The following DAB1 variants were observed in gnomAD, a reference collection of about 807,000 sequenced individuals.
DAB1 encodes the protein disabled homolog 1.
Under a neutral mutation model 64.6 loss-of-function variants are expected in DAB1, and 15 were observed. That is an observed-to-expected ratio of 0.23 (90% CI 0.16 to 0.36). The LOEUF is 0.36. DAB1 is among the 10% of genes least tolerant of loss of function. DAB1 has a pLI of 1.00. For missense variants in DAB1, 596 were observed against 706.7 expected (o/e 0.84, Z 1.78); for synonymous variants, 235 against 251.9 (o/e 0.93, Z 0.64).
chr1:57,679,471 C>G (rs1287643297), intron 6 of DAB1, among the ~76,000 whole-genome samples: 2 of 152,200 alleles, frequency 1.3e-5, no homozygotes, highest in East Asian at 3.9e-4. Flanking sequence ...TTTAGCCACT[C>G]TGAGAGCATC....
intron 4 of DAB1, among the ~76,000 whole-genome samples, chr1:57,077,377 A>G (rs1397724543): frequency 6.6e-6 from 1 of 152,164 alleles, no homozygotes; most frequent in Non-Finnish European, 1.5e-5. Context: ...GTTACATAAT[A>G]TTTCAGGAAG....
intron 9 of DAB1, among the ~76,000 whole-genome samples, chr1:57,050,474 C>T (rs1483364147): frequency 6.6e-6 from 1 of 152,210 alleles, no homozygotes; most frequent in Non-Finnish European, 1.5e-5. Context: ...GGTCCTGCCA[C>T]CTCAGACTTA....
intron 1 of DAB1, among the ~76,000 whole-genome samples, chr1:57,314,697 C>T (rs1028286057): frequency 2.0e-5 from 3 of 151,622 alleles, no homozygotes; most frequent in African/African-American, 4.8e-5. Flanking sequence ...GCAGAAGGAT[C>T]GCTTGAGCTC....
Position 57,695,360 on chromosome 1 carries a change from A to AG in DAB1, n.552-45696dup, listed in dbSNP as rs1557427744. 2.2e-3 allele frequency among the ~76,000 whole-genome samples: 56 copies of AG among 25,158 alleles called. 2 individuals are homozygous for AG. Among genetic ancestry groups the AG allele is most frequent in the African/African-American group, 5.7e-3 (49 of 8,654 alleles). 16.5% of individuals were successfully genotyped at this position (25,158 alleles called of 152,430 possible). ...AGAAAGAAAGAAAGAAAGAAAAGAA[A>AG]GAAGAAAGAAAGAAAGAAAGAAAGA... On this transcript the variant is annotated intron_variant and non_coding_transcript_variant, in intron 6 of 20. Transcript: ENST00000485760.
chr1:58,212,150 G>C (rs1484768027), intron 4 of DAB1, among the ~76,000 whole-genome samples: 1 of 152,084 alleles, frequency 6.6e-6, no homozygotes, highest in East Asian at 1.9e-4. Context: ...ATTCTCCCTG[G>C]GCCAGTTGTT....
chr1:57,519,678 G>A (rs776698720), intron 7 of DAB1, among the ~76,000 whole-genome samples: 4 of 152,096 alleles, frequency 2.6e-5, no homozygotes, highest in South Asian at 2.1e-4. Context: ...AGTTATCTAC[G>A]AGGCTTGTAT....
At chr1:57,328,028 C>T (rs1054591835) in intron 1 of DAB1, among the ~76,000 whole-genome samples, 12 of 152,276 alleles carry the variant, frequency 7.9e-5, no homozygotes, top group South Asian at 4.1e-4. Context: ...GCAAATGCTA[C>T]TGAGTAGATT....
At chr1:57,457,263 TGTGTGCACCAAC>T (rs1686631554) in intron 7 of DAB1, among the ~76,000 whole-genome samples, 1 of 152,130 alleles carries the variant, frequency 6.6e-6, no homozygotes, top group East Asian at 1.9e-4. Context: ...GACTAAGAAC[TGTGTGCACCAAC>T]CTGTCATCTA....
chr1:58,108,507 C>G (rs1651796487), intron 5 of DAB1, among the ~76,000 whole-genome samples: 1 of 152,182 alleles, frequency 6.6e-6, no homozygotes, highest in Non-Finnish European at 1.5e-5. Flanking sequence ...ATGAAAACAA[C>G]TTGATGATGG....
intron 1 of DAB1, among the ~76,000 whole-genome samples, chr1:57,308,019 CT>C (rs1455589245): frequency 6.6e-6 from 1 of 152,174 alleles, no homozygotes; most frequent in Non-Finnish European, 1.5e-5. Flanking sequence ...AATAATAGTG[CT>C]TTTTCCCTCT....
intron 5 of DAB1, among the ~76,000 whole-genome samples, chr1:58,101,592 G>T (rs1448390806): frequency 6.6e-6 from 1 of 152,160 alleles, no homozygotes; most frequent in Admixed American, 6.5e-5. Flanking sequence ...CCAAGAGAGT[G>T]CCTGGCACAT....
intron 7 of DAB1, among the ~76,000 whole-genome samples, chr1:57,505,216 G>C (rs1644330783): frequency 6.6e-6 from 1 of 152,148 alleles, no homozygotes; most frequent in Non-Finnish European, 1.5e-5. Context: ...TCACTAAATA[G>C]AAAACTATTC....
In DAB1 at chr1:57,010,744, G is replaced by C. The variant is rs1244834928; in HGVS notation, c.1619C>G (p.Pro540Arg). The change falls in exon 14 of 15, where the codon CCC (proline) becomes CGC (arginine). Residue 540 changes from proline to arginine, a missense_variant. Coordinates refer to ENST00000371236, the MANE Select transcript of DAB1 (RefSeq NM_001365792.1). ...ASSNSDPFGEPSGEPSGDNIS... is the reference protein window; with the variant it reads ...ASSNSDPFGERSGEPSGDNIS... ...ATTATCACCACTGGGCTCCCCACTG[G>C]GCTCACCAAATGGATCACTGTTGGA... 6.3e-7 allele frequency: 1 copy of C among 1,598,642 alleles called. No homozygotes were observed. Among genetic ancestry groups the C allele is most frequent in the Non-Finnish European group, 8.5e-7 (1 of 1,170,024 alleles).
intron 3 of DAB1, among the ~76,000 whole-genome samples, chr1:58,416,970 A>G (rs181226080): frequency 1.4e-4 from 22 of 152,374 alleles, no homozygotes; most frequent in African/African-American, 4.6e-4. Context: ...TCAAAATTAG[A>G]GTCATTTGAA....
At chr1:58,117,242 T>C (rs928004532) in intron 5 of DAB1, among the ~76,000 whole-genome samples, 1 of 152,212 alleles carries the variant, frequency 6.6e-6, no homozygotes, top group Non-Finnish European at 1.5e-5. Flanking sequence ...TTGCCTGTAC[T>C]AGTAAGTTAC....
chr1:57,432,408 T>G (rs2101117265), intron 7 of DAB1, among the ~76,000 whole-genome samples: 1 of 152,254 alleles, frequency 6.6e-6, no homozygotes, highest in East Asian at 1.9e-4. Flanking sequence ...TGCAACACAC[T>G]TCTTAACTAG....
At chr1:57,100,210 T>C (rs1254858961) in intron 4 of DAB1, among the ~76,000 whole-genome samples, 1 of 152,168 alleles carries the variant, frequency 6.6e-6, no homozygotes, top group Non-Finnish European at 1.5e-5. Context: ...CTTCATTAGG[T>C]TATTATGAAG....
In DAB1 at chr1:57,154,084, A is replaced by G. The variant is rs116814356; in HGVS notation, c.68-8655T>C. On this transcript the variant is annotated intron_variant, in intron 2 of 14. Transcript: ENST00000371236. The stretch of plus-strand genomic sequence containing the variant: ...CCAATTATGCTCTTTCAGTTATATT[A>G]AAATGTATGATTACATTATTATTGG... Among the ~76,000 whole-genome samples, 338 of 152,300 alleles carry G rather than the reference A, an allele frequency of 2.2e-3. 5 individuals are homozygous for G. Among genetic ancestry groups the G allele is most frequent in the African/African-American group, 7.8e-3 (324 of 41,544 alleles).
chr1:57,740,404 A>G (rs1019329424), intron 6 of DAB1, among the ~76,000 whole-genome samples: 14 of 152,318 alleles, frequency 9.2e-5, no homozygotes, highest in Admixed American at 5.2e-4. Flanking sequence ...CAAGGTACAT[A>G]AAGATACTAG....
Sources: allele counts gnomAD v4.1 joint callset (sites outside exome capture counted in the v4.1 genomes callset), GRCh38; gene constraint gnomAD v4.1.1; transcripts MANE v1.5; gene names NCBI Gene and HGNC (gene_info 2026-07-23, HGNC 2026-07-21).